The following BCAR1 variants were observed in gnomAD, a reference collection of about 807,000 sequenced individuals.
BCAR1 encodes the protein breast cancer anti-estrogen resistance protein 1.
In BCAR1, 30 loss-of-function variants were observed where a neutral mutation model predicts 67.6. The observed-to-expected ratio is 0.44, with a 90% confidence interval of 0.33 to 0.60. The LOEUF (loss-of-function observed/expected upper bound fraction) is 0.60, where lower values mean the gene tolerates loss of function less well. BCAR1 is among the 20% of genes least tolerant of loss of function. The pLI is 0.02. For missense variants in BCAR1, 1,313 were observed against 1,222.3 expected (o/e 1.07, Z -1.11); for synonymous variants, 626 against 556.7 (o/e 1.12, Z -1.75).
chr16:75,237,420 C>A (rs974334474), intron 2 of BCAR1, 76 bp from the exon 3 acceptor site: 2 of 1,391,840 alleles, frequency 1.4e-6, no homozygotes, highest in Non-Finnish European at 1.9e-6. Context: ...CTGGGAGCCA[C>A]GTCCTTTTAG....
intron 1 of BCAR1, chr16:75,266,923 G>T (rs1327105060): frequency 7.1e-6 from 4 of 566,034 alleles, no homozygotes; most frequent in Non-Finnish European, 1.1e-5. Context: ...GAAAGCTCCA[G>T]CTGCCTAGGG....
At chr16:75,264,152 G>C (rs1168181015) in intron 1 of BCAR1, 1 of 1,318,900 alleles carries the variant, frequency 7.6e-7, no homozygotes, top group Non-Finnish European at 9.7e-7. Context: ...TCTTGTTACA[G>C]ATGAGGCACA....
intron 2 of BCAR1, among the ~76,000 whole-genome samples, 167 bp downstream of exon 2, chr16:75,242,303 G>C (rs141887315): frequency 6.6e-6 from 1 of 152,306 alleles, no homozygotes; most frequent in African/African-American, 2.4e-5. Context: ...ATCTTCCCCG[G>C]ACAAATGAAC....
chr16:75,263,894 T>C, intron 1 of BCAR1: 2 of 1,035,270 alleles, frequency 1.9e-6, no homozygotes, highest in Non-Finnish European at 2.3e-6. Flanking sequence ...CAAAAATGAA[T>C]TCTCCTCTTG....
At chr16:75,264,664 A>C in intron 1 of BCAR1, 4 of 1,249,072 alleles carry the variant, frequency 3.2e-6, no homozygotes, top group East Asian at 3.1e-5. Flanking sequence ...CACAATAACA[A>C]TGCTTTGCAC....
At chr16:75,234,396 C>T (rs574949836) in intron 5 of BCAR1, among the ~76,000 whole-genome samples, 1 of 152,328 alleles carries the variant, frequency 6.6e-6, no homozygotes, top group East Asian at 1.9e-4. Flanking sequence ...GGCTCCAACA[C>T]CAGGAATCAC....
Position 75,243,046 on chromosome 16 carries a change from CG to C in BCAR1, c.56del (p.Pro19ArgfsTer12). 1 of 1,608,458 alleles carries C rather than the reference CG, an allele frequency of 6.2e-7. No homozygotes were observed. The highest frequency in any genetic ancestry group is 8.5e-7 in the Non-Finnish European group (1 of 1,175,966). On this transcript the variant is annotated frameshift_variant, in exon 2 of 7. Transcript: ENST00000162330. LOFTEE classifies it high-confidence loss of function. ...KALYDNVAES[P>X]DELSFRKGDI... ...CACCCTTGCGGAAGGAGAGCTCATCCGGGGACTCGGCCACATTGTCATAGAG... is the reference window on the plus strand; with the variant it reads ...CACCCTTGCGGAAGGAGAGCTCATCCGGGACTCGGCCACATTGTCATAGAG...
chr16:75,246,287 CA>C (rs2077522592), intron 1 of BCAR1: 1 of 152,216 alleles, frequency 6.6e-6, no homozygotes, highest in Admixed American at 6.5e-5. Flanking sequence ...GTTCTTTTAA[CA>C]AAAGATTCGC....
intron 1 of BCAR1, among the ~76,000 whole-genome samples, chr16:75,267,406 G>C (rs1267594469): frequency 2.2e-5 from 3 of 133,980 alleles, no homozygotes; most frequent in Non-Finnish European, 5.0e-5. Flanking sequence ...GGGGGGGGGT[G>C]GGGGGCCTGG....
chr16:75,245,685 G>A (rs1034638472), intron 1 of BCAR1, among the ~76,000 whole-genome samples: 5 of 152,234 alleles, frequency 3.3e-5, no homozygotes, highest in Non-Finnish European at 5.9e-5. Context: ...CCAGGCGCCT[G>A]GCACCAGGAG....
chr16:75,261,245 C>T (rs777601808), intron 1 of BCAR1, among the ~76,000 whole-genome samples: 5 of 152,222 alleles, frequency 3.3e-5, no homozygotes, highest in Non-Finnish European at 5.9e-5. Flanking sequence ...GGAGGACACA[C>T]GCAGGGCTGC....
intron 2 of BCAR1, chr16:75,238,546 G>T: frequency 1.0e-6 from 1 of 990,528 alleles, no homozygotes; most frequent in Non-Finnish European, 1.2e-6. Context: ...GCTGAGCATG[G>T]GGGTGGCAGA....
chr16:75,233,055 T>C lies in BCAR1; in HGVS notation c.2100+791A>G, dbSNP rs924549051. 2.0e-5 allele frequency among the ~76,000 whole-genome samples: 3 copies of C among 152,214 alleles called. No homozygotes were observed. In the South Asian group the frequency reaches 6.2e-4, roughly 31 times the overall value. ...ATATGAGGAAAATTCTATTAACATGTCTGCATATAAACACAGCAGTATATT... is the reference window on the plus strand; with the variant it reads ...ATATGAGGAAAATTCTATTAACATGCCTGCATATAAACACAGCAGTATATT... On this transcript the variant is annotated intron_variant, in intron 6 of 6. Transcript: ENST00000162330.
At chr16:75,238,196 A>C in intron 2 of BCAR1, 1 of 1,232,058 alleles carries the variant, frequency 8.1e-7, no homozygotes, top group Non-Finnish European at 1.0e-6. Flanking sequence ...ACCAGCCTGA[A>C]GCGGGTAGGG....
At chr16:75,266,691 G>T in intron 1 of BCAR1, 1 of 1,356,490 alleles carries the variant, frequency 7.4e-7, no homozygotes, top group East Asian at 2.7e-5. Context: ...CATTTCATAG[G>T]CCCAGGCACT....
chr16:75,237,094 G>A lies in BCAR1; in HGVS notation c.795+89C>T, dbSNP rs541677839. 6.0e-6 allele frequency: 9 copies of A among 1,507,704 alleles called. No individual in the cohort carries two copies. The South Asian group carries it at 1.1e-4, about 18-fold the overall frequency. 93.4% of individuals were successfully genotyped at this position (1,507,704 alleles called of 1,614,324 possible). A position where few individuals can be genotyped will look rare whatever the true frequency, so the allele number is the denominator to read the frequency against. On this transcript the variant is annotated intron_variant, in intron 3 of 6. Transcript: ENST00000162330. ...CAGCACCGTCCCCAGGCCTGGCCGG[G>A]GCTGAGAAGATGCAGCTCTCGGCCC... is the stretch of plus-strand genomic sequence containing the variant.
In BCAR1 at chr16:75,259,850, TAAAAAAA is replaced by T. The variant is rs144448216; in HGVS notation, c.66+8058_66+8064del. ...TTGGGTGACAGAATGAGACTCCATC[TAAAAAAA>T]AAAAAAAAAAAAAAAAGAATAAAAC... On this transcript the variant is annotated intron_variant, in intron 1 of 6. Transcript: ENST00000393422. Among the ~76,000 whole-genome samples the T allele has an allele frequency of 1.1e-4, 8 of 73,464 alleles. No individual in the cohort carries two copies. The East Asian group carries it at 2.6e-3, about 24-fold the overall frequency. The allele number at this position is 73,464 out of a possible 152,430, so 48.2% of individuals were successfully genotyped here. A position where few individuals can be genotyped will look rare whatever the true frequency, so the allele number is the denominator to read the frequency against.
chr16:75,229,473 C>T lies in BCAR1; in HGVS notation c.*38G>A, dbSNP rs778461478. 2.1e-5 allele frequency: 31 copies of T among 1,486,182 alleles called. No homozygotes were observed. The highest frequency in any genetic ancestry group is 4.9e-5 in the East Asian group (2 of 40,950). The allele number at this position is 1,486,182 out of a possible 1,614,324, so 92.1% of individuals were successfully genotyped here. A position where few individuals can be genotyped will look rare whatever the true frequency, so the allele number is the denominator to read the frequency against. ...ATGGGAGCCAGGGAGCTGGGACCGCCGCACCCCTCCCCTGCCTCCCTCCTG... is the reference window on the plus strand; with the variant it reads ...ATGGGAGCCAGGGAGCTGGGACCGCTGCACCCCTCCCCTGCCTCCCTCCTG... On this transcript the variant is annotated 3_prime_UTR_variant, in exon 7 of 7. Coordinates refer to ENST00000162330, the MANE Select transcript of BCAR1 (RefSeq NM_014567.5).
intron 6 of BCAR1, among the ~76,000 whole-genome samples, chr16:75,233,270 G>A (rs781530369): frequency 1.3e-5 from 2 of 152,140 alleles, no homozygotes; most frequent in Non-Finnish European, 2.9e-5. Flanking sequence ...CTACTGGGGA[G>A]GCTGAGGCAG....
Sources: gnomAD v4.1 joint callset for allele counts (sites outside exome capture counted in the v4.1 genomes callset) on GRCh38, gnomAD v4.1.1 for gene constraint, MANE v1.5 for transcripts, NCBI Gene and HGNC (gene_info 2026-07-23, HGNC 2026-07-21) for gene names.